The following ASAP1 variants were observed in gnomAD, a reference collection of about 807,000 sequenced individuals.
The protein encoded by ASAP1 is ArfGAP with SH3 domain, ankyrin repeat and PH domain 1, also known as arf-GAP with SH3 domain, ANK repeat and PH domain-containing protein 1.
Under a neutral mutation model 145.2 loss-of-function variants are expected in ASAP1, and 43 were observed. The ratio of observed to expected loss-of-function variants is 0.30; its 90% CI spans 0.23 to 0.38. ASAP1 has a LOEUF of 0.38. Among genes scored for constraint, ASAP1 ranks in the 10% least tolerant of loss-of-function variants. The pLI is 1.00. For missense variants in ASAP1, 1,018 were observed against 1,355.3 expected (o/e 0.75, Z 3.91); for synonymous variants, 546 against 515.5 (o/e 1.06, Z -0.80).
intron 3 of ASAP1, among the ~76,000 whole-genome samples, chr8:130,275,197 C>T (rs962214370): frequency 2.0e-5 from 3 of 152,210 alleles, no homozygotes; most frequent in African/African-American, 7.2e-5. Flanking sequence ...TTTTCTTCTT[C>T]CAAATGCTTT....
At chr8:130,186,013 T>C (rs919838060) in intron 7 of ASAP1, among the ~76,000 whole-genome samples, 3 of 152,222 alleles carry the variant, frequency 2.0e-5, no homozygotes, top group African/African-American at 4.8e-5. Flanking sequence ...AGAAGACATA[T>C]TCTACAAGTG....
Position 130,283,968 on chromosome 8 carries a change from G to A in ASAP1, c.187-46974C>T, listed in dbSNP as rs918861242. Among the ~76,000 whole-genome samples, 148 of 152,202 alleles carry A rather than the reference G, an allele frequency of 9.7e-4. 1 individual carries two copies. Among genetic ancestry groups the A allele is most frequent in the African/African-American group, 3.5e-3 (146 of 41,456 alleles). On this transcript the variant is annotated intron_variant, in intron 3 of 29. Coordinates refer to ENST00000518721, the MANE Select transcript of ASAP1 (RefSeq NM_018482.4). ...TGAGGAACTAATCTAGATGGCCTAAGAGTGGGTATTGCACTGACTGTATCC... is the reference window on the plus strand; with the variant it reads ...TGAGGAACTAATCTAGATGGCCTAAAAGTGGGTATTGCACTGACTGTATCC...
At chr8:130,359,903 G>A (rs143685558) in intron 2 of ASAP1, among the ~76,000 whole-genome samples, 1,674 of 151,190 alleles carry the variant, frequency 0.011, 30 homozygotes, top group African/African-American at 0.039. Context: ...GATTACAGGC[G>A]TGAGCCACCG....
intron 11 of ASAP1, among the ~76,000 whole-genome samples, chr8:130,167,242 TA>T: frequency 6.6e-6 from 1 of 151,378 alleles, no homozygotes. Context: ...CGATGAGCCA[TA>T]AGTGTGCCTG....
intron 1 of ASAP1, among the ~76,000 whole-genome samples, chr8:130,409,875 G>A (rs1829191028): frequency 6.6e-6 from 1 of 152,198 alleles, no homozygotes; most frequent in Non-Finnish European, 1.5e-5. Flanking sequence ...GTATACTGCA[G>A]GCACTGGGCC....
chr8:130,056,527 A>G (rs548947416), intron 29 of ASAP1, among the ~76,000 whole-genome samples: 1 of 152,298 alleles, frequency 6.6e-6, no homozygotes, highest in East Asian at 1.9e-4. Context: ...GACAATCAAT[A>G]TTTCCAGATA....
At chr8:130,232,389 G>C (rs1565116926) in intron 4 of ASAP1, among the ~76,000 whole-genome samples, 1 of 152,154 alleles carries the variant, frequency 6.6e-6, no homozygotes, top group Admixed American at 6.5e-5. Context: ...GACCACTAAG[G>C]CAGACTTCCT....
chr8:130,160,165 C>T (rs2097666101), intron 11 of ASAP1: 1 of 551,552 alleles, frequency 1.8e-6, no homozygotes, highest in African/African-American at 1.9e-5. Flanking sequence ...AAGTCCGAGG[C>T]AGAGCTGGGG....
chr8:130,304,350 T>C (rs995062535), intron 3 of ASAP1, among the ~76,000 whole-genome samples: 3 of 152,196 alleles, frequency 2.0e-5, no homozygotes, highest in Admixed American at 6.5e-5. Context: ...AGAGTCATCT[T>C]TGAAAGTCTG....
intron 3 of ASAP1, among the ~76,000 whole-genome samples, chr8:130,264,024 G>GA (rs1820097784): frequency 6.6e-6 from 1 of 152,158 alleles, no homozygotes; most frequent in Non-Finnish European, 1.5e-5. Flanking sequence ...TAGTGAGGAG[G>GA]AAAAAACCAC....
At chr8:130,246,908 A>G (rs1344900730) in intron 3 of ASAP1, 1 of 152,240 alleles carries the variant, frequency 6.6e-6, no homozygotes, top group African/African-American at 2.4e-5. Flanking sequence ...GAGTACCCAC[A>G]GTTCTAAGTG....
intron 27 of ASAP1, among the ~76,000 whole-genome samples, chr8:130,073,265 C>A (rs1260917694): frequency 6.6e-6 from 1 of 151,904 alleles, no homozygotes; most frequent in African/African-American, 2.4e-5. Context: ...TGGTACATGC[C>A]TGTAATCCCA....
At position 130,387,951 on chromosome 8, in the gene ASAP1, C is replaced by A. The variant is rs145353997; in HGVS notation, c.59+13934G>T. Among the ~76,000 whole-genome samples the A allele has an allele frequency of 3.8e-3, 584 of 152,278 alleles. 6 individuals carry two copies. Among genetic ancestry groups the A allele is most frequent in the African/African-American group, 0.013 (556 of 41,546 alleles). On this transcript the variant is annotated intron_variant, in intron 2 of 29. Coordinates refer to ENST00000518721, the MANE Select transcript of ASAP1 (RefSeq NM_018482.4). ...GTCTGGTGGGGGTGGCAGACATACA[C>A]AAGAGAACAAACAATTCCAGATTGT...
chr8:130,312,758 T>C lies in ASAP1; in HGVS notation c.186+45259A>G, dbSNP rs73409344. On this transcript the variant is annotated intron_variant, in intron 3 of 29. Transcript: ENST00000518721. ...TAAAGCCCATGTTCAACCACTGTAG[T>C]AACAAAGCCTAGCACAGAAATTTTC... 6.4e-3 allele frequency among the ~76,000 whole-genome samples: 971 copies of C among 152,348 alleles called. 9 individuals carry two copies. Among genetic ancestry groups the C allele is most frequent in the African/African-American group, 0.023 (939 of 41,584 alleles).
chr8:130,059,504 C>A (rs901573343), intron 28 of ASAP1, among the ~76,000 whole-genome samples: 4 of 151,946 alleles, frequency 2.6e-5, no homozygotes, highest in Non-Finnish European at 4.4e-5. Flanking sequence ...GCTCTGTTAC[C>A]CAGGCTGGAG....
At chr8:130,307,692 G>A (rs749537618) in intron 3 of ASAP1, among the ~76,000 whole-genome samples, 11 of 152,180 alleles carry the variant, frequency 7.2e-5, no homozygotes, top group Non-Finnish European at 1.5e-4. Context: ...TGAGGTAGGA[G>A]TAACAGCGAT....
At chr8:130,226,377 A>G (rs1256923693) in intron 4 of ASAP1, among the ~76,000 whole-genome samples, 1 of 152,184 alleles carries the variant, frequency 6.6e-6, no homozygotes, top group Non-Finnish European at 1.5e-5. Flanking sequence ...GCTGATTATG[A>G]GCAAATTATT....
intron 2 of ASAP1, among the ~76,000 whole-genome samples, chr8:130,364,132 G>T (rs985393329): frequency 2.0e-5 from 3 of 151,956 alleles, no homozygotes; most frequent in Non-Finnish European, 2.9e-5. Context: ...AAAACCACTA[G>T]AGTTTTCTCA....
chr8:130,071,271 A>G (rs2097445981), intron 27 of ASAP1, among the ~76,000 whole-genome samples: 1 of 152,092 alleles, frequency 6.6e-6, no homozygotes, highest in African/African-American at 2.4e-5. Flanking sequence ...TGCGCCCAAC[A>G]CTTCAAAAAA....
Sources: gnomAD v4.1 joint callset for allele counts (sites outside exome capture counted in the v4.1 genomes callset) on GRCh38, gnomAD v4.1.1 for gene constraint, MANE v1.5 for transcripts, NCBI Gene and HGNC (gene_info 2026-07-23, HGNC 2026-07-21) for gene names.